The following SCHIP1 variants were observed in gnomAD, a reference collection of about 807,000 sequenced individuals.
The protein encoded by SCHIP1 is schwannomin interacting protein 1.
A neutral mutation model predicts 29.7 loss-of-function variants in SCHIP1; 8 were observed. That is an observed-to-expected ratio of 0.27 (90% CI 0.16 to 0.49). SCHIP1 has a LOEUF of 0.49. Ranked by LOEUF, SCHIP1 falls within the 20% of genes least tolerant of loss-of-function variation. The probability of loss-of-function intolerance (pLI) is 0.99; values close to 1 mark genes in which losing one functional copy is unlikely to be tolerated. For missense variants in SCHIP1, 193 were observed against 294.6 expected (o/e 0.66, Z 2.52); for synonymous variants, 76 against 94.9 (o/e 0.80, Z 1.16).
At chr3:159,768,023 T>G in the SCHIP1 span, among the ~76,000 whole-genome samples, 2 of 152,196 alleles carry the variant, frequency 1.3e-5, no homozygotes, top group Non-Finnish European at 2.9e-5. Flanking sequence ...CCATACCTAA[T>G]CCAACTCCCA....
At chr3:159,441,551 G>A in the SCHIP1 span, among the ~76,000 whole-genome samples, 2 of 152,034 alleles carry the variant, frequency 1.3e-5, no homozygotes, top group Non-Finnish European at 2.9e-5. Flanking sequence ...TATTATGTGA[G>A]AGTTCAAACC....
the SCHIP1 span, among the ~76,000 whole-genome samples, chr3:159,695,985 C>G: frequency 6.6e-6 from 1 of 152,150 alleles, no homozygotes; most frequent in Non-Finnish European, 1.5e-5. Context: ...CACCCCCCAC[C>G]ACCTCATTGA....
chr3:159,687,576 A>G, the SCHIP1 span, among the ~76,000 whole-genome samples: 123 of 152,206 alleles, frequency 8.1e-4, no homozygotes, highest in Middle Eastern at 0.01. Context: ...GAGTTGAAAG[A>G]TCTCACTTGG....
the SCHIP1 span, among the ~76,000 whole-genome samples, chr3:159,550,716 C>T: frequency 6.6e-6 from 1 of 152,002 alleles, no homozygotes; most frequent in Non-Finnish European, 1.5e-5. Context: ...AAAATTATGG[C>T]AAAATCAATG....
At chr3:159,384,660 A>G in the SCHIP1 span, among the ~76,000 whole-genome samples, 1 of 151,358 alleles carries the variant, frequency 6.6e-6, no homozygotes, top group Non-Finnish European at 1.5e-5. Context: ...TTTTCTATTG[A>G]TTGGAATAGT....
the SCHIP1 span, among the ~76,000 whole-genome samples, chr3:159,480,886 G>A: frequency 3.0e-4 from 46 of 152,114 alleles, no homozygotes; most frequent in Non-Finnish European, 5.0e-4. Flanking sequence ...GGGTGAGTCC[G>A]AAAAGAGGGT....
the SCHIP1 span, among the ~76,000 whole-genome samples, chr3:159,301,407 C>T: frequency 2.6e-5 from 4 of 152,094 alleles, no homozygotes; most frequent in African/African-American, 7.2e-5. Flanking sequence ...CATCCTGTGG[C>T]TCCTGGAACA....
chr3:159,378,136 A>T, the SCHIP1 span, among the ~76,000 whole-genome samples: 1 of 152,240 alleles, frequency 6.6e-6, no homozygotes, highest in East Asian at 1.9e-4. Flanking sequence ...AAAAAAGGCT[A>T]TCTTCAGTAG....
At chr3:159,611,025 A>G in the SCHIP1 span, among the ~76,000 whole-genome samples, 1 of 152,166 alleles carries the variant, frequency 6.6e-6, no homozygotes, top group Non-Finnish European at 1.5e-5. Context: ...CAGGCAAAAT[A>G]AGAATATTAT....
the SCHIP1 span, among the ~76,000 whole-genome samples, chr3:159,314,413 T>A: frequency 3.3e-5 from 5 of 152,224 alleles, no homozygotes; most frequent in Non-Finnish European, 7.3e-5. Flanking sequence ...TCAAATTTCA[T>A]CATCCCGTTT....
chr3:159,432,325 T>A, the SCHIP1 span, among the ~76,000 whole-genome samples: 11 of 102,302 alleles, frequency 1.1e-4, no homozygotes, highest in African/African-American at 3.7e-4. Context: ...TGTGTGTGTG[T>A]GTGTGTGTGT....
the SCHIP1 span, among the ~76,000 whole-genome samples, chr3:159,678,784 A>G: frequency 1.3e-5 from 2 of 152,224 alleles, no homozygotes; most frequent in South Asian, 2.1e-4. Flanking sequence ...AAAACTTACA[A>G]TCGTGGTGGA....
the SCHIP1 span, among the ~76,000 whole-genome samples, chr3:159,600,391 T>G: frequency 2.0e-5 from 3 of 152,244 alleles, no homozygotes; most frequent in East Asian, 1.9e-4. Flanking sequence ...TCATACTTTT[T>G]CATCATTTTT....
chr3:159,486,364 T>G, the SCHIP1 span, among the ~76,000 whole-genome samples: 1 of 152,194 alleles, frequency 6.6e-6, no homozygotes, highest in African/African-American at 2.4e-5. Flanking sequence ...AATTCAAGGT[T>G]TTTAGATTCC....
At chr3:159,593,493 T>C in the SCHIP1 span, among the ~76,000 whole-genome samples, 1 of 152,278 alleles carries the variant, frequency 6.6e-6, no homozygotes. Context: ...CAAGCAGCCA[T>C]GTGAACCTAA....
the SCHIP1 span, among the ~76,000 whole-genome samples, chr3:159,472,059 C>G: frequency 6.6e-6 from 1 of 152,160 alleles, no homozygotes; most frequent in East Asian, 1.9e-4. Context: ...AACCTTATAG[C>G]AGTGGGAAAG....
At chr3:159,324,495 AT>A in the SCHIP1 span, among the ~76,000 whole-genome samples, 6 of 151,950 alleles carry the variant, frequency 3.9e-5, no homozygotes, top group Admixed American at 1.3e-4. Flanking sequence ...GTGTTAAATA[AT>A]TTTTTTTCTT....
the SCHIP1 span, among the ~76,000 whole-genome samples, chr3:159,394,716 C>T: frequency 2.1e-4 from 32 of 152,178 alleles, no homozygotes; most frequent in Admixed American, 6.5e-4. Flanking sequence ...ATTGGTTTTG[C>T]CAGTATTTTA....
the SCHIP1 span, among the ~76,000 whole-genome samples, chr3:159,750,278 TATATATATATATATATATACACACAC>T: frequency 3.0e-4 from 5 of 16,902 alleles, no homozygotes; most frequent in African/African-American, 5.3e-4. Flanking sequence ...TATATATATA[TATATATATATATATATATACACACAC>T]ACACACACAC....
Sources: allele counts gnomAD v4.1 joint callset (sites outside exome capture counted in the v4.1 genomes callset), GRCh38; gene constraint gnomAD v4.1.1; transcripts MANE v1.5; gene names NCBI Gene and HGNC (gene_info 2026-07-23, HGNC 2026-07-21).